LIX1L: variants seen among roughly 807,000 people sequenced by gnomAD.
LIX1L encodes the protein LIX1-like protein.
In LIX1L, 20 loss-of-function variants were observed where a neutral mutation model predicts 34.0. The observed-to-expected ratio is 0.59, with a 90% confidence interval of 0.41 to 0.85. The LOEUF (loss-of-function observed/expected upper bound fraction) is 0.85. Among genes scored for constraint, LIX1L ranks in the 40% least tolerant of loss-of-function variants. LIX1L has a pLI of 0.00. For missense variants in LIX1L, 397 were observed against 447.0 expected (o/e 0.89, Z 1.01); for synonymous variants, 170 against 187.4 (o/e 0.91, Z 0.76).
rs1553757909 is a variant in LIX1L, at chr1:145,937,000, T to C, written c.694-15A>G. 27 of 1,579,568 alleles carry C rather than the reference T, an allele frequency of 1.7e-5. No homozygotes were observed. The highest frequency in any genetic ancestry group is 1.0e-4 in the Admixed American group (6 of 59,946). On this transcript the variant is annotated splice_polypyrimidine_tract_variant and intron_variant, in intron 4 of 5. Transcript: ENST00000604000. ...GTCATTAGCTCCTGGGGGAAGAGGA[T>C]AGGAAGTACCAGGACAGTGATTTTT...
At chr1:145,944,031 G>C (rs1649015662) in intron 2 of LIX1L, among the ~76,000 whole-genome samples, 1 of 151,160 alleles carries the variant, frequency 6.6e-6, no homozygotes, top group Non-Finnish European at 1.5e-5. Context: ...GACAGAGTGA[G>C]ACTCTGTCTC....
At chr1:145,937,147 T>G (rs1370021409) in intron 4 of LIX1L, among the ~76,000 whole-genome samples, 162 bp from the exon 5 acceptor site, 1 of 148,232 alleles carries the variant, frequency 6.7e-6, no homozygotes, top group Non-Finnish European at 1.5e-5. Flanking sequence ...TATTTATTTA[T>G]TTATTTATTT....
chr1:145,940,717 ATT>A (rs782462548), intron 3 of LIX1L, among the ~76,000 whole-genome samples: 21 of 136,288 alleles, frequency 1.5e-4, no homozygotes, highest in Admixed American at 2.9e-4. Context: ...CACCTGGCTA[ATT>A]TTTTTTTTTT....
At chr1:145,942,906 G>A (rs2101898734) in intron 2 of LIX1L, 53 bp from the exon 3 acceptor site, 2 of 1,567,890 alleles carry the variant, frequency 1.3e-6, no homozygotes, top group Admixed American at 1.7e-5. Context: ...ATGAGAGAGA[G>A]GAAGGAACAG....
chr1:145,957,803 G>C lies in LIX1L; in HGVS notation c.125C>G (p.Pro42Arg), dbSNP rs1553760619. The change falls in exon 1 of 6, where the codon CCC becomes CGC. Residue 42 changes from proline (P) to arginine (R), a missense_variant. Transcript: ENST00000604000. Reference sequence around the variant, plus strand: ...TGCGGGAGGCGGCGGGGCAGGCGGGGGGCCCGCAGGGGGTGTGGCGGTGGC... The same window carrying C: ...TGCGGGAGGCGGCGGGGCAGGCGGGCGGCCCGCAGGGGGTGTGGCGGTGGC... ...AAATATPPAG[P>R]PPAPPPPAPP... is the part of the protein sequence containing the mutation. 1 of 1,354,184 alleles carries C rather than the reference G, an allele frequency of 7.4e-7. No homozygotes were observed. 83.9% of individuals were successfully genotyped at this position (1,354,184 alleles called of 1,614,324 possible).
At chr1:145,946,956 T>C (rs966664939) in intron 2 of LIX1L, 1 of 152,224 alleles carries the variant, frequency 6.6e-6, no homozygotes, top group Admixed American at 6.5e-5. Flanking sequence ...ATGAGAATAT[T>C]CGTACTAGTC....
intron 1 of LIX1L, among the ~76,000 whole-genome samples, chr1:145,955,300 C>T (rs1418739757): frequency 6.6e-6 from 1 of 152,084 alleles, no homozygotes; most frequent in Non-Finnish European, 1.5e-5. Flanking sequence ...GACAGGAAAG[C>T]TTTTTAAAAT....
chr1:145,952,952 C>A (rs1553759986), intron 1 of LIX1L, among the ~76,000 whole-genome samples: 1 of 151,898 alleles, frequency 6.6e-6, no homozygotes, highest in Non-Finnish European at 1.5e-5. Flanking sequence ...CGCTCTATCG[C>A]TGAAGCTAGA....
intron 2 of LIX1L, among the ~76,000 whole-genome samples, chr1:145,944,934 G>A (rs1553759058): frequency 6.6e-6 from 1 of 152,030 alleles, no homozygotes; most frequent in Non-Finnish European, 1.5e-5. Flanking sequence ...AGGCTGAGGT[G>A]GGAGGATCAC....
intron 1 of LIX1L, among the ~76,000 whole-genome samples, chr1:145,955,426 A>T (rs1649439725): frequency 6.6e-6 from 1 of 152,240 alleles, no homozygotes; most frequent in East Asian, 1.9e-4. Context: ...CAGGAAGAAG[A>T]TGAAGGATGT....
At chr1:145,951,984 A>T (rs1417821627) in intron 1 of LIX1L, among the ~76,000 whole-genome samples, 8 of 152,194 alleles carry the variant, frequency 5.3e-5, no homozygotes, top group African/African-American at 1.9e-4. Context: ...AGTGGTCAAG[A>T]AAAAAGCAAC....
At chr1:145,946,832 A>C (rs1649129563) in intron 2 of LIX1L, among the ~76,000 whole-genome samples, 1 of 152,226 alleles carries the variant, frequency 6.6e-6, no homozygotes, top group Non-Finnish European at 1.5e-5. Context: ...TTCACAAACC[A>C]TATGGAAAAC....
In LIX1L at chr1:145,948,940, G is replaced by A. The variant is rs1248799650; in HGVS notation, c.293-1158C>T. 3 of 152,202 alleles carry A rather than the reference G, an allele frequency of 2.0e-5. No homozygotes were observed. The highest frequency in any genetic ancestry group is 4.4e-5 in the Non-Finnish European group (3 of 68,038). 9.4% of individuals were successfully genotyped at this position (152,202 alleles called of 1,614,324 possible). A position where few individuals can be genotyped will look rare whatever the true frequency, so the allele number is the denominator to read the frequency against. ...GTGAAGCAACCCATGGCCTATGCAA[G>A]TATCCACCTGAGTCCTCTGCATTGG... is the stretch of plus-strand genomic sequence containing the variant. On this transcript the variant is annotated intron_variant, in intron 1 of 5. Transcript: ENST00000604000. This position sits in a 1 kb window ranked among gnomAD's most constrained non-coding sequence, Gnocchi z 4.0.
rs1553757336 is a variant in LIX1L, at chr1:145,934,152, G to A, written c.*2158C>T. On this transcript the variant is annotated 3_prime_UTR_variant, in exon 6 of 6. Transcript: ENST00000604000. ...TATAGTATAAATAAGAGATCACAGA[G>A]ACAAGGGGGAAATATATATTAGAGA... is the stretch of plus-strand genomic sequence containing the variant. 1 of 148,366 alleles carries A rather than the reference G, an allele frequency of 6.7e-6. No homozygotes were observed. The allele number at this position is 148,366 out of a possible 1,614,324, so 9.2% of individuals were successfully genotyped here.
At chr1:145,957,032 A>G (rs1289228008) in intron 1 of LIX1L, among the ~76,000 whole-genome samples, 1 of 152,236 alleles carries the variant, frequency 6.6e-6, no homozygotes, top group Non-Finnish European at 1.5e-5. Flanking sequence ...ACTGAGCCAC[A>G]GGAAGCTGCT....
intron 1 of LIX1L, among the ~76,000 whole-genome samples, chr1:145,953,538 A>G (rs1168189462): frequency 6.6e-6 from 1 of 152,218 alleles, no homozygotes; most frequent in Non-Finnish European, 1.5e-5. Context: ...CACGATCCAC[A>G]GTCTCTTTGG....
rs1350572196 is a variant in LIX1L, at chr1:145,957,732, G to A, written c.196C>T (p.Leu66=). 1 of 1,458,934 alleles carries A rather than the reference G, an allele frequency of 6.9e-7. No individual in the cohort carries two copies. The allele number at this position is 1,458,934 out of a possible 1,614,324, so 90.4% of individuals were successfully genotyped here. Residue 66 remains leucine (L), a synonymous_variant, in exon 1 of 6, where the codon CTG becomes TTG. Coordinates refer to ENST00000604000, the MANE Select transcript of LIX1L (RefSeq NM_153713.3). The part of the protein sequence containing the change: ...LLLSGAPGLP[L]PPGAAGSPAV... ...GGGCTGCCGGCGGCGCCGGGGGGCA[G>A]GGGTAGTCCTGGGGCCCCAGACAGG...
intron 5 of LIX1L, 113 bp from the exon 6 acceptor site, chr1:145,936,665 C>T: frequency 2.3e-6 from 3 of 1,307,458 alleles, no homozygotes; most frequent in Non-Finnish European, 2.1e-6. Flanking sequence ...GAGGTCAGCA[C>T]CTAAGTTCTT....
chr1:145,938,394 T>TA (rs1325945415), intron 3 of LIX1L, among the ~76,000 whole-genome samples: 1 of 152,036 alleles, frequency 6.6e-6, no homozygotes, highest in Non-Finnish European at 1.5e-5. Context: ...GCCTAGCATG[T>TA]AAAAAAACCA....
Sources: gnomAD v4.1 joint callset for allele counts (sites outside exome capture counted in the v4.1 genomes callset) on GRCh38, gnomAD v4.1.1 for gene constraint, Gnocchi (gnomAD v3.1) non-coding constraint, MANE v1.5 for transcripts, NCBI Gene and HGNC (gene_info 2026-07-23, HGNC 2026-07-21) for gene names.